ASB2: variants seen among roughly 807,000 people sequenced by gnomAD.
The protein encoded by ASB2 is ankyrin repeat and SOCS box containing 2.
ASB2 carries 58 observed loss-of-function variants against 62.4 expected under a neutral mutation model. The ratio of observed to expected loss-of-function variants is 0.93; its 90% CI spans 0.75 to 1.16. The LOEUF (loss-of-function observed/expected upper bound fraction) is 1.16, where lower values mean the gene tolerates loss of function less well. Ranked by LOEUF, ASB2 falls within the 50% of genes most tolerant of loss-of-function variation. The pLI is 0.00. For synonymous variants in ASB2, 386 were observed against 385.3 expected (o/e 1.00, Z -0.02); for missense variants, 928 against 887.9 (o/e 1.05, Z -0.57).
intron 1 of ASB2, among the ~76,000 whole-genome samples, chr14:93,965,733 G>A (rs936646768): frequency 6.6e-5 from 10 of 152,196 alleles, no homozygotes; most frequent in African/African-American, 2.4e-4. Flanking sequence ...TTTCCCTAAA[G>A]GCAGATCTTT....
chr14:93,935,953 G>A (rs1434014219), intron 9 of ASB2, among the ~76,000 whole-genome samples: 1 of 152,238 alleles, frequency 6.6e-6, no homozygotes, highest in East Asian at 1.9e-4. Context: ...TACACAGAAG[G>A]TCTTGAATAT....
intron 2 of ASB2, among the ~76,000 whole-genome samples, chr14:93,963,186 G>T (rs1016261895): frequency 1.3e-5 from 2 of 152,168 alleles, no homozygotes; most frequent in Non-Finnish European, 2.9e-5. Flanking sequence ...ACTGCACATC[G>T]GAAAAAGTCT....
chr14:93,954,586 C>T (rs1889106092), intron 3 of ASB2, 103 bp from the exon 4 acceptor site: 2 of 1,046,896 alleles, frequency 1.9e-6, no homozygotes, highest in Non-Finnish European at 2.8e-6. Flanking sequence ...GGTCCTCGTC[C>T]CTGCTGGTTC....
chr14:93,954,433 A>C lies in ASB2; in HGVS notation c.362T>G (p.Leu121Trp). 6.2e-7 allele frequency: 1 copy of C among 1,614,168 alleles called. No individual in the cohort carries two copies. Among genetic ancestry groups the C allele is most frequent in the Non-Finnish European group, 8.5e-7 (1 of 1,180,010 alleles). Residue 121 changes from leucine to tryptophan, a missense_variant, in exon 4 of 10, where the codon TTG (leucine) becomes TGG (tryptophan). Transcript: ENST00000555019. ...CTTCCCTTCCTTGATCATGGTCTTC[A>C]AGGCCTCTTCATCGCCATCCTTGAT... is the stretch of plus-strand genomic sequence containing the variant. ...KAIKDGDEEALKTMIKEGKNL... is the reference protein window; with the variant it reads ...KAIKDGDEEAWKTMIKEGKNL...
chr14:93,954,390 G>C lies in ASB2; in HGVS notation c.405C>G (p.Asn135Lys), dbSNP rs367755389. The C allele has an allele frequency of 1.2e-6, 2 of 1,613,898 alleles. No homozygotes were observed. Among genetic ancestry groups the C allele is most frequent in the Non-Finnish European group, 1.7e-6 (2 of 1,179,922 alleles). Residue 135 changes from asparagine to lysine, a missense_variant, in exon 4 of 10, where the codon AAC (asparagine) becomes AAG (lysine). By Grantham distance (94) the Asn-to-Lys change is moderately conservative. Transcript: ENST00000555019. The part of the protein sequence containing the change: ...IKEGKNLAEP[N>K]KEGWLPLHEA... ...CGTGCAGCGGCAGCCAGCCCTCCTT[G>C]TTGGGCTCTGCGAGATTCTTCCCTT...
intron 4 of ASB2, chr14:93,954,068 A>G: frequency 1.8e-6 from 1 of 542,064 alleles, no homozygotes; most frequent in Non-Finnish European, 3.3e-6. Flanking sequence ...TCTAAAAGTC[A>G]GCCCTCCCTC....
At chr14:93,974,645 T>C (rs1391500939) in intron 1 of ASB2, among the ~76,000 whole-genome samples, 1 of 152,244 alleles carries the variant, frequency 6.6e-6, no homozygotes, top group African/African-American at 2.4e-5. Context: ...TGGCTTTGAA[T>C]GTGGACCTTG....
At position 93,941,767 on chromosome 14, in the gene ASB2, G is replaced by A. The variant is rs80351263; in HGVS notation, c.1053-2095C>T. 2,967 of 444,128 alleles carry A rather than the reference G, an allele frequency of 6.7e-3. 53 individuals carry two copies. Among genetic ancestry groups the A allele is most frequent in the African/African-American group, 0.047 (2,356 of 49,676 alleles). 27.5% of individuals were successfully genotyped at this position (444,128 alleles called of 1,614,324 possible). A position where few individuals can be genotyped will look rare whatever the true frequency, so the allele number is the denominator to read the frequency against. ...GGCAGGTCACAGCTGGTCTCCGGCA[G>A]TTCTCCACGAACCAAGGGAAAGTGG... is the stretch of plus-strand genomic sequence containing the variant. On this transcript the variant is annotated intron_variant, in intron 7 of 9. Transcript: ENST00000555019.
At chr14:93,946,654 C>T (rs1254572509) in intron 7 of ASB2, among the ~76,000 whole-genome samples, 1 of 152,214 alleles carries the variant, frequency 6.6e-6, no homozygotes, top group Non-Finnish European at 1.5e-5. Context: ...TGCAGCTCTT[C>T]GGCATGCTCT....
intron 1 of ASB2, among the ~76,000 whole-genome samples, chr14:93,966,444 C>A (rs1486939611): frequency 6.6e-6 from 1 of 152,216 alleles, no homozygotes; most frequent in African/African-American, 2.4e-5. Context: ...GAGTAGTGAA[C>A]AAAATGATTC....
At position 93,934,730 on chromosome 14, in the gene ASB2, G is replaced by T. The variant is rs1331652428; in HGVS notation, c.1834C>A (p.Arg612Ser). Residue 612 changes from arginine (R) to serine (S), a missense_variant, in exon 10 of 10, where the codon CGT becomes AGT. Arg to Ser is a moderately radical substitution (Grantham distance 110). Transcript: ENST00000555019. ...LRVRKAIGKY[R>S]IKLLDTLPLP... ...GGCAAGGTGTCTAGGAGTTTTATAC[G>T]GTATTTCCCAATGGCCTTTCGAACC... 1 of 1,613,434 alleles carries T rather than the reference G, an allele frequency of 6.2e-7. No individual in the cohort carries two copies. The highest frequency in any genetic ancestry group is 8.5e-7 in the Non-Finnish European group (1 of 1,179,480).
chr14:93,963,759 C>A (rs1567031156), intron 2 of ASB2, among the ~76,000 whole-genome samples: 1 of 152,300 alleles, frequency 6.6e-6, no homozygotes, highest in African/African-American at 2.4e-5. Context: ...ATTAATTTCA[C>A]CTGTTTCTCT....
rs141712527 is a variant in ASB2, at chr14:93,934,705, G to A, written c.1859C>T (p.Pro620Leu). Residue 620 changes from proline to leucine, a missense_variant, in exon 10 of 10, where the codon CCG becomes CTG. Coordinates refer to ENST00000555019, the MANE Select transcript of ASB2 (RefSeq NM_001202429.2). ...GTATCTAATCAGCCTGCCTGGGAGC[G>A]GCAAGGTGTCTAGGAGTTTTATACG... ...KYRIKLLDTL[P>L]LPGRLIRYLK... 2.1e-4 allele frequency: 332 copies of A among 1,614,096 alleles called. No homozygotes were observed. The highest frequency in any genetic ancestry group is 2.7e-4 in the Non-Finnish European group (318 of 1,179,990).
chr14:93,937,191 A>G (rs1258001538), intron 9 of ASB2, among the ~76,000 whole-genome samples: 1 of 152,186 alleles, frequency 6.6e-6, no homozygotes, highest in Non-Finnish European at 1.5e-5. Flanking sequence ...TCTGTGCACC[A>G]ACAGCCTTGG....
intron 2 of ASB2, among the ~76,000 whole-genome samples, chr14:93,960,591 T>A (rs1567029965): frequency 1.3e-5 from 2 of 152,230 alleles, no homozygotes; most frequent in African/African-American, 4.8e-5. Flanking sequence ...GCTCTGCACT[T>A]CATGGGTTCA....
chr14:93,949,243 G>A (rs907052573), intron 6 of ASB2, among the ~76,000 whole-genome samples: 1 of 152,294 alleles, frequency 6.6e-6, no homozygotes, highest in Non-Finnish European at 1.5e-5. Flanking sequence ...AGGCTTTCTG[G>A]TAATTTATTA....
At chr14:93,947,009 T>C (rs558320609) in intron 7 of ASB2, among the ~76,000 whole-genome samples, 20 of 152,360 alleles carry the variant, frequency 1.3e-4, no homozygotes, top group African/African-American at 4.8e-4. Context: ...TCAACCTCTC[T>C]GTGTCTTAGC....
At chr14:93,963,163 C>A (rs1219011835) in intron 2 of ASB2, among the ~76,000 whole-genome samples, 1 of 152,242 alleles carries the variant, frequency 6.6e-6, no homozygotes, top group African/African-American at 2.4e-5. Context: ...ACCTTCATCC[C>A]CTGTCAACTG....
chr14:93,956,238 A>G (rs1391951282), intron 3 of ASB2, among the ~76,000 whole-genome samples: 1 of 152,172 alleles, frequency 6.6e-6, no homozygotes, highest in African/African-American at 2.4e-5. Flanking sequence ...CCTGCAGCTT[A>G]GATTATTTCT....
Sources: gnomAD v4.1 joint callset for allele counts (sites outside exome capture counted in the v4.1 genomes callset) on GRCh38, gnomAD v4.1.1 for gene constraint, MANE v1.5 for transcripts, NCBI Gene and HGNC (gene_info 2026-07-23, HGNC 2026-07-21) for gene names.